Variants in CRYZ observed in about 807,000 individuals in gnomAD.
The protein encoded by CRYZ is zeta-crystallin.
A neutral mutation model predicts 34.1 loss-of-function variants in CRYZ; 35 were observed. That is an observed-to-expected ratio of 1.03 (90% CI 0.78 to 1.36). The LOEUF (loss-of-function observed/expected upper bound fraction) is 1.36. Among genes scored for constraint, CRYZ ranks in the 40% most tolerant of loss-of-function variants. The pLI is 0.00. For missense variants in CRYZ, 403 were observed against 391.8 expected (o/e 1.03, Z -0.24); for synonymous variants, 137 against 136.5 (o/e 1.00, Z -0.03).
At chr1:74,714,737 C>A in intron 4 of CRYZ, 107 bp from the exon 5 acceptor site, 1 of 1,055,242 alleles carries the variant, frequency 9.5e-7, no homozygotes, top group Non-Finnish European at 1.4e-6. Context: ...CTAACACTTA[C>A]ACAAACAGCA....
At chr1:74,720,678 G>A (rs893048484) in intron 3 of CRYZ, among the ~76,000 whole-genome samples, 6 of 152,110 alleles carry the variant, frequency 3.9e-5, no homozygotes, top group Non-Finnish European at 7.3e-5. Flanking sequence ...AAGTATCACC[G>A]CTTAATATGG....
chr1:74,727,271 A>C (rs1460681782), intron 1 of CRYZ, among the ~76,000 whole-genome samples: 3 of 124,044 alleles, frequency 2.4e-5, no homozygotes, highest in African/African-American at 7.8e-5. Flanking sequence ...TTATAAAGGA[A>C]AGAGGTTTAA....
chr1:74,724,154 G>T (rs892324729), intron 2 of CRYZ, among the ~76,000 whole-genome samples: 8 of 152,194 alleles, frequency 5.3e-5, no homozygotes, highest in African/African-American at 1.9e-4. Context: ...GAAGTGATGA[G>T]AAATAAATTT....
intron 6 of CRYZ, among the ~76,000 whole-genome samples, chr1:74,709,564 A>T (rs1168046935): frequency 1.3e-5 from 2 of 152,240 alleles, no homozygotes; most frequent in Non-Finnish European, 2.9e-5. Flanking sequence ...TTGCTAATAT[A>T]GTACAAGTGA....
chr1:74,730,125 C>G (rs1239387802), intron 1 of CRYZ, among the ~76,000 whole-genome samples: 1 of 151,142 alleles, frequency 6.6e-6, no homozygotes, highest in Non-Finnish European at 1.5e-5. Flanking sequence ...GGATCTGTAT[C>G]TTTCCCCCCC....
chr1:74,719,785 T>C (rs894902034), intron 3 of CRYZ, among the ~76,000 whole-genome samples: 31 of 152,198 alleles, frequency 2.0e-4, no homozygotes, highest in Admixed American at 5.2e-4. Context: ...TGAGCCACCA[T>C]GCCCAGCCAT....
At chr1:74,708,094 C>G (rs1250234882) in intron 6 of CRYZ, 1 of 152,026 alleles carries the variant, frequency 6.6e-6, no homozygotes, top group Non-Finnish European at 1.5e-5. Context: ...GAGGCTGAGT[C>G]AGTCTGGACC....
In CRYZ at chr1:74,705,866, T is replaced by A. The variant is rs1051177; in HGVS notation, c.*430A>T. The A allele has an allele frequency of 0.014, 2,157 of 153,096 alleles. 33 individuals are homozygous for A. Among genetic ancestry groups the A allele is most frequent in the African/African-American group, 0.041 (1,724 of 41,592 alleles). The allele number at this position is 153,096 out of a possible 1,614,324, so 9.5% of individuals were successfully genotyped here. ...ATTAGTTTAGAATAGAGGTTTTTAG[T>A]TCAGAAAATGTTCAAAGTCCAATAC... On this transcript the variant is annotated 3_prime_UTR_variant, in exon 9 of 9. Transcript: ENST00000340866.
intron 4 of CRYZ, among the ~76,000 whole-genome samples, chr1:74,717,739 C>T (rs1647097103): frequency 6.6e-6 from 1 of 152,202 alleles, no homozygotes; most frequent in Admixed American, 6.6e-5. Context: ...GCTGTTCTGT[C>T]TTCAAAGTCC....
chr1:74,710,765 A>C (rs1569975287), intron 5 of CRYZ, among the ~76,000 whole-genome samples: 1 of 152,366 alleles, frequency 6.6e-6, no homozygotes, highest in East Asian at 1.9e-4. Flanking sequence ...TAATTCATCC[A>C]TATGGTGAAT....
In CRYZ at chr1:74,706,118, T is replaced by A. The variant is rs1646924233; in HGVS notation, c.*178A>T. The A allele has an allele frequency of 2.0e-6, 1 of 490,092 alleles. No homozygotes were observed. Among genetic ancestry groups the A allele is most frequent in the Non-Finnish European group, 3.6e-6 (1 of 280,516 alleles). The allele number at this position is 490,092 out of a possible 1,614,324, so 30.4% of individuals were successfully genotyped here. On this transcript the variant is annotated 3_prime_UTR_variant, in exon 9 of 9. Transcript: ENST00000340866. ...ATTTGAGACAGATGGCATAAAAAAA[T>A]ATTGCTAGCTATACAATAAATTTTA...
intron 4 of CRYZ, among the ~76,000 whole-genome samples, chr1:74,716,813 G>C (rs182094902): frequency 6.6e-6 from 1 of 151,808 alleles, no homozygotes; most frequent in Non-Finnish European, 1.5e-5. Flanking sequence ...TCCTCTCCCC[G>C]CAGCCCCTGT....
chr1:74,730,521 A>C (rs1252240579), intron 1 of CRYZ: 1 of 152,234 alleles, frequency 6.6e-6, no homozygotes, highest in Non-Finnish European at 1.5e-5. Context: ...TCTAAAAAGC[A>C]TAAGTCTTCC....
intron 2 of CRYZ, among the ~76,000 whole-genome samples, chr1:74,723,872 T>C (rs1647214872): frequency 6.6e-6 from 1 of 152,214 alleles, no homozygotes; most frequent in Non-Finnish European, 1.5e-5. Context: ...GGCTGGACTA[T>C]TGCAATTTTT....
In CRYZ at chr1:74,705,784, A is replaced by G. The variant is rs1389469584; in HGVS notation, c.*512T>C. 2.6e-5 allele frequency: 4 copies of G among 152,140 alleles called. No homozygotes were observed. Among genetic ancestry groups the G allele is most frequent in the African/African-American group, 9.7e-5 (4 of 41,430 alleles). 9.4% of individuals were successfully genotyped at this position (152,140 alleles called of 1,614,324 possible). On this transcript the variant is annotated 3_prime_UTR_variant, in exon 9 of 9. Coordinates refer to ENST00000340866, the MANE Select transcript of CRYZ (RefSeq NM_001889.4). The stretch of plus-strand genomic sequence containing the variant: ...GGGAAAATACTGAGAAAACTAATAA[A>G]TTGTCCTGGATATTATTTATTCTTG...
intron 1 of CRYZ, among the ~76,000 whole-genome samples, chr1:74,729,362 G>C (rs1647568231): frequency 6.6e-6 from 1 of 151,110 alleles, no homozygotes; most frequent in African/African-American, 2.4e-5. Flanking sequence ...CTTGTATATA[G>C]TAGACATCAT....
chr1:74,713,473 C>A (rs546154994), intron 5 of CRYZ, among the ~76,000 whole-genome samples: 1 of 152,262 alleles, frequency 6.6e-6, no homozygotes, highest in South Asian at 2.1e-4. Flanking sequence ...GTATATCTGT[C>A]ATATTGTCTC....
At chr1:74,718,511 C>G (rs951640092) in intron 4 of CRYZ, among the ~76,000 whole-genome samples, 1 of 152,124 alleles carries the variant, frequency 6.6e-6, no homozygotes, top group Non-Finnish European at 1.5e-5. Context: ...TGAGAGATTA[C>G]TCTGTTCCAA....
intron 1 of CRYZ, among the ~76,000 whole-genome samples, chr1:74,727,805 C>T (rs67696801): frequency 0.13 from 19,522 of 151,930 alleles, 2,542 homozygotes; most frequent in East Asian, 0.64. Context: ...ATTTGGGTGG[C>T]GACAGAGCCA....
Sources: gnomAD v4.1 joint callset for allele counts (sites outside exome capture counted in the v4.1 genomes callset) on GRCh38, gnomAD v4.1.1 for gene constraint, MANE v1.5 for transcripts, NCBI Gene and HGNC (gene_info 2026-07-23, HGNC 2026-07-21) for gene names.